Variants in LRP1B observed in about 807,000 individuals in gnomAD.
The protein encoded by LRP1B is LDL receptor related protein 1B.
A neutral mutation model predicts 556.6 loss-of-function variants in LRP1B; 217 were observed. That is an observed-to-expected ratio of 0.39 (90% confidence interval 0.35 to 0.44). The LOEUF is 0.44. Ranked by LOEUF, LRP1B falls within the 20% of genes least tolerant of loss-of-function variation. The pLI is 1.00. For missense variants in LRP1B, 5,053 were observed against 5,620.8 expected (o/e 0.90, Z 3.23); for synonymous variants, 2,047 against 1,865.8 (o/e 1.10, Z -2.50).
chr2:141,591,869 C>A (rs192558250), intron 2 of LRP1B, among the ~76,000 whole-genome samples: 1 of 152,158 alleles, frequency 6.6e-6, no homozygotes, highest in East Asian at 1.9e-4. Flanking sequence ...TACACCAGTT[C>A]CAGTACTGAC....
intron 25 of LRP1B, among the ~76,000 whole-genome samples, chr2:140,882,681 C>A (rs1693510575): frequency 6.6e-6 from 1 of 152,190 alleles, no homozygotes; most frequent in Non-Finnish European, 1.5e-5. Context: ...AAAAGAGACA[C>A]AAACATACTT....
intron 2 of LRP1B, among the ~76,000 whole-genome samples, chr2:141,599,480 A>C (rs1207845562): frequency 6.6e-6 from 1 of 152,154 alleles, no homozygotes; most frequent in Non-Finnish European, 1.5e-5. Context: ...AAACTTGAAC[A>C]TTAAATTTTA....
At chr2:141,452,569 T>C (rs1004322933) in intron 3 of LRP1B, among the ~76,000 whole-genome samples, 6 of 152,212 alleles carry the variant, frequency 3.9e-5, no homozygotes, top group Non-Finnish European at 8.8e-5. Context: ...TCAAAAAAGC[T>C]AGCATCGATT....
intron 4 of LRP1B, among the ~76,000 whole-genome samples, chr2:141,249,130 T>C (rs1684171622): frequency 6.6e-6 from 1 of 152,064 alleles, no homozygotes; most frequent in Non-Finnish European, 1.5e-5. Context: ...AATTGAAAAA[T>C]GGAACTGTTA....
rs146032740 is a variant in LRP1B, at chr2:142,058,540, G to A, written c.82+72108C>T. Among the ~76,000 whole-genome samples the A allele has an allele frequency of 4.2e-3, 647 of 152,246 alleles. 8 individuals are homozygous for A. The highest frequency in any genetic ancestry group is 0.015 in the African/African-American group (621 of 41,570). ...TTCAAAAACCTTCTCAAAACGTTAT[G>A]AGGTTTTTTTTGCAATTTTTTTAGC... On this transcript the variant is annotated intron_variant, in intron 1 of 90. Transcript: ENST00000389484.
chr2:140,880,924 G>A (rs984105855), intron 25 of LRP1B, among the ~76,000 whole-genome samples: 1 of 151,988 alleles, frequency 6.6e-6, no homozygotes, highest in Non-Finnish European at 1.5e-5. Context: ...TATTCAAAGA[G>A]GCTTAGAAGG....
At chr2:141,601,804 T>C (rs1008246709) in intron 2 of LRP1B, among the ~76,000 whole-genome samples, 13 of 152,094 alleles carry the variant, frequency 8.5e-5, no homozygotes, top group African/African-American at 2.9e-4. Flanking sequence ...GGTTTCACCA[T>C]GTTGGCCAGG....
chr2:141,822,007 T>C (rs1428874568), intron 1 of LRP1B, among the ~76,000 whole-genome samples: 1 of 151,900 alleles, frequency 6.6e-6, no homozygotes, highest in Non-Finnish European at 1.5e-5. Context: ...GGTAGGTTTC[T>C]TGTGTTTTTT....
At chr2:142,013,089 T>A (rs1478363422) in intron 1 of LRP1B, among the ~76,000 whole-genome samples, 2 of 152,204 alleles carry the variant, frequency 1.3e-5, no homozygotes, top group African/African-American at 2.4e-5. Flanking sequence ...TGTCAATCAT[T>A]GTGCTTGTGT....
At chr2:141,374,052 T>A (rs1689338751) in intron 3 of LRP1B, among the ~76,000 whole-genome samples, 3 of 152,164 alleles carry the variant, frequency 2.0e-5, no homozygotes, top group African/African-American at 7.2e-5. Context: ...AGTCTAGTGG[T>A]TACAAATTCT....
intron 79 of LRP1B, among the ~76,000 whole-genome samples, chr2:140,330,110 G>A (rs1484527044): frequency 6.6e-6 from 1 of 151,260 alleles, no homozygotes; most frequent in South Asian, 2.1e-4. Context: ...TGAGGCAGAA[G>A]AATTGCTTGA....
chr2:141,886,215 G>A (rs547125096), intron 1 of LRP1B, among the ~76,000 whole-genome samples: 175 of 152,226 alleles, frequency 1.1e-3, no homozygotes, highest in African/African-American at 4.1e-3. Context: ...GGAATGTAAA[G>A]GTTAAGTGGG....
At chr2:141,631,790 T>A (rs1025867499) in intron 2 of LRP1B, among the ~76,000 whole-genome samples, 3 of 152,232 alleles carry the variant, frequency 2.0e-5, no homozygotes, top group Non-Finnish European at 2.9e-5. Context: ...GCTGCCTGAT[T>A]CATAGATCAC....
chr2:140,851,043 T>C (rs1377504809), intron 28 of LRP1B, among the ~76,000 whole-genome samples: 1 of 152,140 alleles, frequency 6.6e-6, no homozygotes, highest in African/African-American at 2.4e-5. Flanking sequence ...TTTTGGTGAG[T>C]ACTTTTTTTC....
chr2:141,238,423 C>A (rs1683738141), intron 5 of LRP1B, among the ~76,000 whole-genome samples: 1 of 152,024 alleles, frequency 6.6e-6, no homozygotes, highest in African/African-American at 2.4e-5. Flanking sequence ...CTTAGAAGAG[C>A]CACATTTAAT....
intron 2 of LRP1B, among the ~76,000 whole-genome samples, chr2:141,757,707 AT>A (rs201141052): frequency 2.0e-5 from 3 of 151,202 alleles, no homozygotes; most frequent in African/African-American, 4.9e-5. Flanking sequence ...CTAATTTTTA[AT>A]TTTTTTTTAT....
intron 25 of LRP1B, among the ~76,000 whole-genome samples, chr2:140,870,425 G>T (rs561158188): frequency 6.6e-6 from 1 of 152,186 alleles, no homozygotes; most frequent in East Asian, 1.9e-4. Context: ...CATATGAAGA[G>T]GGTATATAAG....
chr2:140,593,533 A>G (rs1682310982), intron 43 of LRP1B, among the ~76,000 whole-genome samples: 1 of 152,212 alleles, frequency 6.6e-6, no homozygotes, highest in South Asian at 2.1e-4. Context: ...TCCCAAAAAC[A>G]TTCAGTTTCC....
At chr2:141,652,436 G>A (rs138086757) in intron 2 of LRP1B, among the ~76,000 whole-genome samples, 119 of 152,308 alleles carry the variant, frequency 7.8e-4, no homozygotes, top group African/African-American at 2.8e-3. Context: ...TGGATAAATG[G>A]AAATCAAGAC....
Sources: allele counts gnomAD v4.1 joint callset (sites outside exome capture counted in the v4.1 genomes callset), GRCh38; gene constraint gnomAD v4.1.1; transcripts MANE v1.5; gene names NCBI Gene and HGNC (gene_info 2026-07-23, HGNC 2026-07-21).